Variants in COL7A1 observed in about 807,000 individuals in gnomAD.
COL7A1 encodes collagen alpha-1(VII) chain.
COL7A1 carries 296 observed loss-of-function variants against 456.2 expected under a neutral mutation model. That is an observed-to-expected ratio of 0.65 (90% CI 0.59 to 0.71). The LOEUF (loss-of-function observed/expected upper bound fraction) is 0.71, where lower values mean the gene tolerates loss of function less well. Ranked by LOEUF, COL7A1 falls within the 30% of genes least tolerant of loss-of-function variation. The pLI is 0.00. For synonymous variants in COL7A1, 1,464 were observed against 1,525.9 expected (o/e 0.96, Z 0.95); for missense variants, 3,441 against 4,017.2 (o/e 0.86, Z 3.88).
chr3:48,583,879 C>T lies in COL7A1; in HGVS notation c.4278+21G>A. 2 of 1,613,846 alleles carry T rather than the reference C, an allele frequency of 1.2e-6. No individual in the cohort carries two copies. Among genetic ancestry groups the T allele is most frequent in the Non-Finnish European group, 1.7e-6 (2 of 1,179,902 alleles). On this transcript the variant is annotated intron_variant, in intron 39 of 118. Transcript: ENST00000681320. This position sits in a 1 kb window ranked among gnomAD's most constrained non-coding sequence, Gnocchi z 5.1. ...CCACACCCCTGAGCAGGGCCCCCAG[C>T]AGAGCCTCAAGGCCCCTCACCGGCA... is the stretch of plus-strand genomic sequence containing the variant.
rs150513888 is a variant in COL7A1 at position 48,586,151 on chromosome 3, C to T, written c.3646G>A (p.Val1216Met). The change falls in exon 28 of 119, where the codon GTG (valine) becomes ATG (methionine). Residue 1216 changes from valine to methionine, a missense_variant. Transcript: ENST00000681320. The surrounding 1 kb of genome is among the most constrained non-coding windows in gnomAD (Gnocchi z 5.1). ...GMDSVQTFFA[V>M]DDGPSLDQAV... Reference sequence around the variant, plus strand: ...TGGTCCAGGCTTGGCCCATCATCCACGGCGAAGAAGGTCTGGACAGAGTCC... The same window carrying T: ...TGGTCCAGGCTTGGCCCATCATCCATGGCGAAGAAGGTCTGGACAGAGTCC... 2.3e-5 allele frequency: 37 copies of T among 1,613,350 alleles called. No individual in the cohort carries two copies. The South Asian group carries it at 2.4e-4, about 11-fold the overall frequency.
Position 48,593,349 on chromosome 3 carries a change from TC to T in COL7A1, c.520+6del. 6.2e-7 allele frequency: 1 copy of T among 1,614,024 alleles called. No individual in the cohort carries two copies. The highest frequency in any genetic ancestry group is 1.1e-5 in the South Asian group (1 of 91,072). Reference sequence around the variant, plus strand: ...CAGCTGACCTGTCACTCCTGCTCGGTCCTTACCCACAGCAAATAGCTTGACC... The same window carrying T: ...CAGCTGACCTGTCACTCCTGCTCGGTCTTACCCACAGCAAATAGCTTGACC... On this transcript the variant is annotated splice_donor_region_variant and intron_variant, in intron 5 of 118. Transcript: ENST00000681320. This position sits in a 1 kb window ranked among gnomAD's most constrained non-coding sequence, Gnocchi z 4.4.
chr3:48,568,676 C>T lies in COL7A1; in HGVS notation c.7758+108G>A. 6.8e-7 allele frequency: 1 copy of T among 1,476,148 alleles called. No individual in the cohort carries two copies. The highest frequency in any genetic ancestry group is 9.2e-7 in the Non-Finnish European group (1 of 1,081,092). 91.4% of individuals were successfully genotyped at this position (1,476,148 alleles called of 1,614,324 possible). ...CCCGGGTGAACACACATGGGGCCGGCAGCAAGGGAGCCAGAACCCCCAGCA... is the reference window on the plus strand; with the variant it reads ...CCCGGGTGAACACACATGGGGCCGGTAGCAAGGGAGCCAGAACCCCCAGCA... On this transcript the variant is annotated intron_variant, in intron 104 of 118. Coordinates refer to ENST00000681320, the MANE Select transcript of COL7A1 (RefSeq NM_000094.4). The surrounding 1 kb of genome is among the most constrained non-coding windows in gnomAD (Gnocchi z 5.2).
rs759690085 is a variant in COL7A1, at chr3:48,572,046, C to G, written c.7024-1G>C. ...GCTCCCCTGCACGGCCAGCTTCACCCTGCACAGAATGGCAGGTGAGGGGTG... is the reference window on the plus strand; with the variant it reads ...GCTCCCCTGCACGGCCAGCTTCACCGTGCACAGAATGGCAGGTGAGGGGTG... On this transcript the variant is annotated splice_acceptor_variant, in intron 91 of 118. Coordinates refer to ENST00000681320, the MANE Select transcript of COL7A1 (RefSeq NM_000094.4). LOFTEE classifies it high-confidence loss of function. The surrounding 1 kb of genome is among the most constrained non-coding windows in gnomAD (Gnocchi z 4.6). 6.2e-7 allele frequency: 1 copy of G among 1,613,278 alleles called. No homozygotes were observed. Among genetic ancestry groups the G allele is most frequent in the South Asian group, 1.1e-5 (1 of 90,876 alleles).
chr3:48,590,662 G>A lies in COL7A1; in HGVS notation c.1780+11C>T. Reference sequence around the variant, plus strand: ...GGCAGCTGTCCTCCACAAGCCTCCTGCAGTACTCACCCCGGCGGACAGTGA... The same window carrying A: ...GGCAGCTGTCCTCCACAAGCCTCCTACAGTACTCACCCCGGCGGACAGTGA... On this transcript the variant is annotated intron_variant, in intron 14 of 118. Transcript: ENST00000681320. The surrounding 1 kb of genome is among the most constrained non-coding windows in gnomAD (Gnocchi z 4.6). 2.5e-6 allele frequency: 4 copies of A among 1,613,966 alleles called. No homozygotes were observed. The highest frequency in any genetic ancestry group is 3.4e-6 in the Non-Finnish European group (4 of 1,180,024).
At position 48,573,904 on chromosome 3, in the gene COL7A1, G is replaced by A; in HGVS notation, c.6502-14C>T. The A allele has an allele frequency of 6.2e-7, 1 of 1,612,838 alleles. No homozygotes were observed. Among genetic ancestry groups the A allele is most frequent in the Non-Finnish European group, 8.5e-7 (1 of 1,179,880 alleles). ...ACCCTGCAGACCCTACATAGAGAGG[G>A]CACTGATGAGCCTCAATCTGGGCCT... On this transcript the variant is annotated splice_polypyrimidine_tract_variant and intron_variant, in intron 80 of 118. Coordinates refer to ENST00000681320, the MANE Select transcript of COL7A1 (RefSeq NM_000094.4). The surrounding 1 kb of genome is among the most constrained non-coding windows in gnomAD (Gnocchi z 5.5).
rs1431252268 is a variant in COL7A1 at position 48,581,159 on chromosome 3, T to G, written c.4900-2A>C. Reference sequence around the variant, plus strand: ...GTCACCTTTCTCTCCAACTTCACCCTGTGAAACATGAGAGTCAGCCCTGGT... The same window carrying G: ...GTCACCTTTCTCTCCAACTTCACCCGGTGAAACATGAGAGTCAGCCCTGGT... On this transcript the variant is annotated splice_acceptor_variant, in intron 52 of 118. Coordinates refer to ENST00000681320, the MANE Select transcript of COL7A1 (RefSeq NM_000094.4). LOFTEE classifies it high-confidence loss of function. This position sits in a 1 kb window ranked among gnomAD's most constrained non-coding sequence, Gnocchi z 5.8. 10 of 1,613,726 alleles carry G rather than the reference T, an allele frequency of 6.2e-6. No homozygotes were observed. Among genetic ancestry groups the G allele is most frequent in the Non-Finnish European group, 5.1e-6 (6 of 1,179,952 alleles).
Position 48,564,188 on chromosome 3 carries a change from C to A in COL7A1, c.*218G>T. On this transcript the variant is annotated 3_prime_UTR_variant, in exon 119 of 119. Transcript: ENST00000681320. This position sits in a 1 kb window ranked among gnomAD's most constrained non-coding sequence, Gnocchi z 6.0. ...TCCGCTCACTGCCCACAGCCACCCC[C>A]CCACAGTGAGTCATCTGCCAGGGTG... 1 of 643,280 alleles carries A rather than the reference C, an allele frequency of 1.6e-6. No homozygotes were observed. Among genetic ancestry groups the A allele is most frequent in the Admixed American group, 2.2e-5 (1 of 46,114 alleles). 39.8% of individuals were successfully genotyped at this position (643,280 alleles called of 1,614,324 possible). A position where few individuals can be genotyped will look rare whatever the true frequency, so the allele number is the denominator to read the frequency against.
chr3:48,573,113 A>C lies in COL7A1; in HGVS notation c.6715-57T>G. 1 of 1,614,076 alleles carries C rather than the reference A, an allele frequency of 6.2e-7. No individual in the cohort carries two copies. The highest frequency in any genetic ancestry group is 8.5e-7 in the Non-Finnish European group (1 of 1,179,978). ...CAATGGACACAGGACGACATGAGAG[A>C]ACATGGGCCCCAAGGAGTGAAAACA... On this transcript the variant is annotated intron_variant, in intron 85 of 118. Coordinates refer to ENST00000681320, the MANE Select transcript of COL7A1 (RefSeq NM_000094.4). This position sits in a 1 kb window ranked among gnomAD's most constrained non-coding sequence, Gnocchi z 5.5.
In COL7A1 at chr3:48,592,926, G is replaced by A; in HGVS notation, c.695C>T (p.Thr232Ile). ...CAGCACCAGGTCTCGTGGAGCAGAG[G>A]TCGAGTCATCCGCTGGGAATGCGGG... ...VPVTRPPDDS[T>I]SAPRDLVLSE... is the part of the protein sequence containing the mutation. Residue 232 changes from threonine to isoleucine, a missense_variant, in exon 7 of 119, where the codon ACC becomes ATC. Thr to Ile is a moderately conservative substitution (Grantham distance 89). Around this residue, in one of 3 missense-constraint regions of COL7A1, gnomAD observed 913 missense variants for 1,088.2 expected, o/e 0.84. Transcript: ENST00000681320. This position sits in a 1 kb window ranked among gnomAD's most constrained non-coding sequence, Gnocchi z 7.6. The A allele has an allele frequency of 6.2e-7, 1 of 1,613,884 alleles. No individual in the cohort carries two copies. Among genetic ancestry groups the A allele is most frequent in the Non-Finnish European group, 8.5e-7 (1 of 1,179,988 alleles).
In COL7A1 at chr3:48,572,327, C is replaced by A. The variant is rs1037404098; in HGVS notation, c.6978+53G>T. On this transcript the variant is annotated intron_variant, in intron 90 of 118. Coordinates refer to ENST00000681320, the MANE Select transcript of COL7A1 (RefSeq NM_000094.4). This position sits in a 1 kb window ranked among gnomAD's most constrained non-coding sequence, Gnocchi z 4.6. The stretch of plus-strand genomic sequence containing the variant: ...ATGGGTCGAAGGTCAGAAGTTAGGC[C>A]ACTGGAGAGACAGGACCCCCAGAAC... 1.2e-6 allele frequency: 2 copies of A among 1,613,748 alleles called. No individual in the cohort carries two copies. Among genetic ancestry groups the A allele is most frequent in the East Asian group, 4.5e-5 (2 of 44,846 alleles).
rs760362837 is a variant in COL7A1, at chr3:48,592,126, C to T, written c.1216G>A (p.Ala406Thr). Residue 406 changes from alanine (A) to threonine (T), a missense_variant, in exon 10 of 119, where the codon GCC becomes ACC. Around this residue, in one of 3 missense-constraint regions of COL7A1, gnomAD observed 913 missense variants for 1,088.2 expected, o/e 0.84. Coordinates refer to ENST00000681320, the MANE Select transcript of COL7A1 (RefSeq NM_000094.4). This position sits in a 1 kb window ranked among gnomAD's most constrained non-coding sequence, Gnocchi z 7.6. ...STLFGRSVGP[A>T]TSLMARTDAS... ...CCAGTGCGAGCCATCAGGGAAGTGGCGGGCCCCACACTGCGGCCAAATAGG... is the reference window on the plus strand; with the variant it reads ...CCAGTGCGAGCCATCAGGGAAGTGGTGGGCCCCACACTGCGGCCAAATAGG... 5 of 1,614,064 alleles carry T rather than the reference C, an allele frequency of 3.1e-6. No homozygotes were observed. The highest frequency in any genetic ancestry group is 1.7e-5 in the Admixed American group (1 of 60,028).
At position 48,570,336 on chromosome 3, in the gene COL7A1, T is replaced by C; in HGVS notation, c.7381-2A>G. Reference sequence around the variant, plus strand: ...AGGCAGCCCTACTCCAGGGTCTCCCTGGAGACCAACAGGACACCGGGGATC... The same window carrying C: ...AGGCAGCCCTACTCCAGGGTCTCCCCGGAGACCAACAGGACACCGGGGATC... On this transcript the variant is annotated splice_acceptor_variant, in intron 97 of 118. Coordinates refer to ENST00000681320, the MANE Select transcript of COL7A1 (RefSeq NM_000094.4). LOFTEE classifies it high-confidence loss of function. The surrounding 1 kb of genome is among the most constrained non-coding windows in gnomAD (Gnocchi z 5.5). The C allele has an allele frequency of 1.2e-6, 2 of 1,613,936 alleles. No individual in the cohort carries two copies. Among genetic ancestry groups the C allele is most frequent in the Non-Finnish European group, 1.7e-6 (2 of 1,179,946 alleles).
rs369633742 is a variant in COL7A1, at chr3:48,587,332, C to T, written c.2997G>A (p.Val999=). The T allele has an allele frequency of 4.0e-4, 648 of 1,604,088 alleles. No homozygotes were observed. Among genetic ancestry groups the T allele is most frequent in the Middle Eastern group, 9.9e-4 (6 of 6,066 alleles). ...CTGGAAGTGTCTGCGGGGACCCAGG[C>T]ACTTCTGCAGGAGACAGAACTTGAT... The part of the protein sequence containing the change: ...WRPLRGPGQE[V]PGSPQTLPGI... The change falls in exon 24 of 119, where the codon GTG becomes GTA. Residue 999 remains valine (V), a synonymous_variant. Coordinates refer to ENST00000681320, the MANE Select transcript of COL7A1 (RefSeq NM_000094.4). This position sits in a 1 kb window ranked among gnomAD's most constrained non-coding sequence, Gnocchi z 6.1.
Position 48,564,426 on chromosome 3 carries a change from G to C in COL7A1, c.8819-4C>G. 1 of 1,614,048 alleles carries C rather than the reference G, an allele frequency of 6.2e-7. No individual in the cohort carries two copies. The highest frequency in any genetic ancestry group is 8.5e-7 in the Non-Finnish European group (1 of 1,179,952). On this transcript the variant is annotated splice_polypyrimidine_tract_variant and splice_region_variant and intron_variant, in intron 118 of 118. Coordinates refer to ENST00000681320, the MANE Select transcript of COL7A1 (RefSeq NM_000094.4). This position sits in a 1 kb window ranked among gnomAD's most constrained non-coding sequence, Gnocchi z 6.0. ...GGGCCTCAGTCCTGGGCAGTACCTG[G>C]TGAGGACAGGTTGGAAACGGTCGTC...
At position 48,567,129 on chromosome 3, in the gene COL7A1, C is replaced by T. The variant is rs886058629; in HGVS notation, c.8108G>A (p.Arg2703Gln). 3.1e-6 allele frequency: 5 copies of T among 1,613,848 alleles called. No homozygotes were observed. The highest frequency in any genetic ancestry group is 1.3e-5 in the African/African-American group (1 of 74,848). Residue 2703 changes from arginine to glutamine, a missense_variant and splice_region_variant, in exon 110 of 119, where the codon CGG (arginine) becomes CAG (glutamine). Transcript: ENST00000681320. This position sits in a 1 kb window ranked among gnomAD's most constrained non-coding sequence, Gnocchi z 4.3. Reference sequence around the variant, plus strand: ...ACCATGACCATGGCTTCAACTCACCCGCTCCCCTTTCTCGCCCTGGTCACC... The same window carrying T: ...ACCATGACCATGGCTTCAACTCACCTGCTCCCCTTTCTCGCCCTGGTCACC... Reference protein sequence around the residue: ...PKGDQGEKGERGTPGIGGFPG... With the variant: ...PKGDQGEKGEQGTPGIGGFPG...
Position 48,580,257 on chromosome 3 carries a change from G to A in COL7A1, c.5097+43C>T, listed in dbSNP as rs751655770. The A allele has an allele frequency of 1.4e-5, 23 of 1,602,044 alleles. No homozygotes were observed. In the Admixed American group the frequency reaches 3.9e-4, roughly 27 times the overall value. ...AGGCACACTGGCAGCAGCGCCAGGG[G>A]ACCCTCCATCCCTTCTGAGCCCAGG... is the stretch of plus-strand genomic sequence containing the variant. On this transcript the variant is annotated intron_variant, in intron 56 of 118. Coordinates refer to ENST00000681320, the MANE Select transcript of COL7A1 (RefSeq NM_000094.4). The surrounding 1 kb of genome is among the most constrained non-coding windows in gnomAD (Gnocchi z 4.5).
rs755301783 is a variant in COL7A1 at position 48,591,601 on chromosome 3, G to T, written c.1508-9C>A. On this transcript the variant is annotated splice_polypyrimidine_tract_variant and intron_variant, in intron 12 of 118. Coordinates refer to ENST00000681320, the MANE Select transcript of COL7A1 (RefSeq NM_000094.4). The surrounding 1 kb of genome is among the most constrained non-coding windows in gnomAD (Gnocchi z 7.0). ...CACAGGCAGCTCTGGTCCTGTTGGAGAGCACAGCATAGAGGCAGCCTGGGG... is the reference window on the plus strand; with the variant it reads ...CACAGGCAGCTCTGGTCCTGTTGGATAGCACAGCATAGAGGCAGCCTGGGG... 1.2e-6 allele frequency: 2 copies of T among 1,613,578 alleles called. No homozygotes were observed.
rs1444619918 is a variant in COL7A1 at position 48,591,972 on chromosome 3, G to C, written c.1283C>G (p.Pro428Arg). The change falls in exon 11 of 119, where the codon CCC becomes CGC. Residue 428 changes from proline to arginine, a missense_variant. This residue lies in a region of COL7A1 where 913 missense variants were observed against 1,088.2 expected (regional missense o/e 0.84). Transcript: ENST00000681320. The surrounding 1 kb of genome is among the most constrained non-coding windows in gnomAD (Gnocchi z 7.0). Reference protein sequence around the residue: ...EQTLRPVILGPTSILLSWNLV... With the variant: ...EQTLRPVILGRTSILLSWNLV... Reference sequence around the variant, plus strand: ...GTTCCAGGAAAGGAGGATGGATGTGGGGCCCAGGATGACCGGGCGCAGGGT... The same window carrying C: ...GTTCCAGGAAAGGAGGATGGATGTGCGGCCCAGGATGACCGGGCGCAGGGT... 1 of 1,614,196 alleles carries C rather than the reference G, an allele frequency of 6.2e-7. No homozygotes were observed. The highest frequency in any genetic ancestry group is 8.5e-7 in the Non-Finnish European group (1 of 1,180,028).
Sources: gnomAD v4.1 joint callset for allele counts on GRCh38, gnomAD v4.1.1 for gene constraint, gnomAD v4.1.1 regional missense constraint, Gnocchi (gnomAD v3.1) non-coding constraint, MANE v1.5 for transcripts, NCBI Gene and HGNC (gene_info 2026-07-23, HGNC 2026-07-21) for gene names.